The following RANBP2 variants were observed in gnomAD, a reference collection of about 807,000 sequenced individuals.
The protein encoded by RANBP2 is E3 SUMO-protein ligase RanBP2.
Under a neutral mutation model 303.6 loss-of-function variants are expected in RANBP2, and 57 were observed. The observed-to-expected ratio is 0.19, with a 90% CI of 0.15 to 0.23. The LOEUF (loss-of-function observed/expected upper bound fraction) is 0.23, where lower values mean the gene tolerates loss of function less well. Among genes scored for constraint, RANBP2 ranks in the 10% least tolerant of loss-of-function variants. RANBP2 has a pLI of 1.00. For missense variants in RANBP2, 3,138 were observed against 3,780.8 expected, an observed-to-expected ratio of 0.83 and a Z score of 4.46; for synonymous variants, 1,167 against 1,301.5, an observed-to-expected ratio of 0.90 and a Z score of 2.23.
chr2:109,017,757 A>G, the RANBP2 span, among the ~76,000 whole-genome samples: 5 of 152,196 alleles, frequency 3.3e-5, no homozygotes, highest in Non-Finnish European at 5.9e-5. Context: ...TAATAACAGC[A>G]TATTAATGAT....
chr2:109,670,256 C>CT, the RANBP2 span, among the ~76,000 whole-genome samples: 2 of 151,218 alleles, frequency 1.3e-5, no homozygotes, highest in African/African-American at 4.9e-5. Context: ...AGGCCTATGC[C>CT]CCATGGTGGG....
At chr2:109,292,211 G>A in the RANBP2 span, among the ~76,000 whole-genome samples, 1 of 152,188 alleles carries the variant, frequency 6.6e-6, no homozygotes, top group South Asian at 2.1e-4. Context: ...CATCATTTAT[G>A]TTCTCTACAG....
the RANBP2 span, chr2:108,816,002 A>T: frequency 1.2e-6 from 2 of 1,613,592 alleles, no homozygotes; most frequent in Admixed American, 1.7e-5. Flanking sequence ...ATTTCGGATC[A>T]TCATCTTAGC....
the RANBP2 span, among the ~76,000 whole-genome samples, chr2:109,591,101 G>A: frequency 6.6e-6 from 1 of 152,154 alleles, no homozygotes; most frequent in African/African-American, 2.4e-5. Context: ...TCTCTTTTGT[G>A]CCATTTGAAT....
At chr2:109,181,076 C>T in the RANBP2 span, among the ~76,000 whole-genome samples, 1 of 152,204 alleles carries the variant, frequency 6.6e-6, no homozygotes, top group Admixed American at 6.5e-5. Flanking sequence ...CTCACAGACC[C>T]TCCGTCAGCA....
At chr2:109,630,586 T>G in the RANBP2 span, among the ~76,000 whole-genome samples, 1 of 152,198 alleles carries the variant, frequency 6.6e-6, no homozygotes, top group Non-Finnish European at 1.5e-5. Context: ...GTGTGGCCTG[T>G]GTAGCGCGGC....
chr2:108,760,633 C>A (rs1676663464), intron 18 of RANBP2, among the ~76,000 whole-genome samples: 1 of 152,004 alleles, frequency 6.6e-6, no homozygotes, highest in Non-Finnish European at 1.5e-5. Context: ...AAAGTGATAT[C>A]AATTTTTAAG....
At chr2:109,706,771 G>A in the RANBP2 span, among the ~76,000 whole-genome samples, 3 of 152,236 alleles carry the variant, frequency 2.0e-5, no homozygotes, top group Non-Finnish European at 2.9e-5. Flanking sequence ...GAGTGAATGA[G>A]CAGTGGCTAT....
the RANBP2 span, among the ~76,000 whole-genome samples, chr2:109,346,981 G>A: frequency 6.6e-6 from 1 of 152,134 alleles, no homozygotes; most frequent in East Asian, 1.9e-4. Context: ...CCTGGGCATG[G>A]CCCCTGTGCT....
At chr2:109,689,234 C>A in the RANBP2 span, among the ~76,000 whole-genome samples, 1 of 152,138 alleles carries the variant, frequency 6.6e-6, no homozygotes, top group Non-Finnish European at 1.5e-5. Context: ...GAACCTGTTA[C>A]CTCTGCCTGA....
At chr2:109,440,117 T>C in the RANBP2 span, among the ~76,000 whole-genome samples, 21 of 152,312 alleles carry the variant, frequency 1.4e-4, no homozygotes, top group African/African-American at 5.1e-4. Context: ...ATAACTCTTG[T>C]TTTGGGGAAC....
At chr2:109,021,524 G>GAAAAA in the RANBP2 span, among the ~76,000 whole-genome samples, 1 of 120,144 alleles carries the variant, frequency 8.3e-6, no homozygotes, top group East Asian at 2.5e-4. Flanking sequence ...CTCCGTCTCA[G>GAAAAA]AAAAAAAAAA....
the RANBP2 span, among the ~76,000 whole-genome samples, chr2:109,017,711 TG>T: frequency 6.6e-6 from 1 of 152,184 alleles, no homozygotes; most frequent in Non-Finnish European, 1.5e-5. Context: ...AGCATATTGT[TG>T]TATCACCTGT....
At chr2:108,832,864 A>C in the RANBP2 span, among the ~76,000 whole-genome samples, 1 of 152,098 alleles carries the variant, frequency 6.6e-6, no homozygotes, top group Non-Finnish European at 1.5e-5. Context: ...AGTGAGCTGG[A>C]AGTGGAGTCA....
At chr2:109,715,093 A>G in the RANBP2 span, among the ~76,000 whole-genome samples, 11 of 151,654 alleles carry the variant, frequency 7.3e-5, no homozygotes, top group Non-Finnish European at 1.2e-4. Flanking sequence ...TCAGCCTCCC[A>G]GGTAGCTGGG....
chr2:108,728,599 ATGATG>A (rs1694921926), intron 1 of RANBP2, among the ~76,000 whole-genome samples: 1 of 14,148 alleles, frequency 7.1e-5, no homozygotes, highest in Non-Finnish European at 4.0e-4. Context: ...CTTATTTATG[ATGATG>A]ATGATGATGA....
At chr2:109,141,363 C>G in the RANBP2 span, 1 of 152,780 alleles carries the variant, frequency 6.5e-6, no homozygotes, top group African/African-American at 2.4e-5. Context: ...CCCTCTTCCT[C>G]CAACTTGCTC....
chr2:109,160,023 G>A, the RANBP2 span, among the ~76,000 whole-genome samples: 1 of 152,062 alleles, frequency 6.6e-6, no homozygotes, highest in East Asian at 1.9e-4. Context: ...CCATCTCCCC[G>A]CCAGGTCCAT....
At chr2:109,092,795 T>C in the RANBP2 span, among the ~76,000 whole-genome samples, 1 of 152,188 alleles carries the variant, frequency 6.6e-6, no homozygotes, top group Non-Finnish European at 1.5e-5. Context: ...GAAAAAAGGA[T>C]TTGTGTGACT....
Sources: gnomAD v4.1 joint callset for allele counts (sites outside exome capture counted in the v4.1 genomes callset) on GRCh38, gnomAD v4.1.1 for gene constraint, MANE v1.5 for transcripts, NCBI Gene and HGNC (gene_info 2026-07-23, HGNC 2026-07-21) for gene names.